The following NMD3 variants were observed in gnomAD, a reference collection of about 807,000 sequenced individuals.
NMD3 encodes 60S ribosomal export protein NMD3.
Under a neutral mutation model 73.1 loss-of-function variants are expected in NMD3, and 47 were observed. The observed-to-expected ratio is 0.64, with a 90% CI of 0.51 to 0.82. NMD3 has a LOEUF of 0.82. Among genes scored for constraint, NMD3 ranks in the 40% least tolerant of loss-of-function variants. The pLI is 0.00. For synonymous variants in NMD3, 210 were observed against 194.5 expected (o/e 1.08, Z -0.66); for missense variants, 554 against 612.5 (o/e 0.90, Z 1.01).
intron 5 of NMD3, among the ~76,000 whole-genome samples, chr3:161,233,746 A>G (rs1314401745): frequency 6.6e-6 from 1 of 151,578 alleles, no homozygotes; most frequent in African/African-American, 2.4e-5. Flanking sequence ...CTGATCCTCA[A>G]ACTTGGCTGA....
chr3:161,247,496 GAAAC>G (rs1332283381), intron 13 of NMD3, among the ~76,000 whole-genome samples, 166 bp downstream of exon 13: 13 of 143,730 alleles, frequency 9.0e-5, no homozygotes, highest in Non-Finnish European at 1.5e-4. Flanking sequence ...TTTTTTTAAA[GAAAC>G]AGGAGGCTGG....
At position 161,250,236 on chromosome 3, in the gene NMD3, A is replaced by AT. The variant is rs1737427698; in HGVS notation, c.1311-17dup. The AT allele has an allele frequency of 8.9e-6, 12 of 1,341,804 alleles. No homozygotes were observed. The East Asian group carries it at 2.8e-4, about 31-fold the overall frequency. 83.1% of individuals were successfully genotyped at this position (1,341,804 alleles called of 1,614,324 possible). On this transcript the variant is annotated intron_variant, in intron 14 of 15. Transcript: ENST00000351193. ...ATAACTATATTTTTGGTGATGAAAT[A>AT]TTTAAATGTTTATTTAAAGGCAATA...
Position 161,224,983 on chromosome 3 carries a change from T to C in NMD3, c.98T>C (p.Val33Ala). The C allele has an allele frequency of 6.2e-7, 1 of 1,614,090 alleles. No individual in the cohort carries two copies. The highest frequency in any genetic ancestry group is 1.1e-5 in the South Asian group (1 of 91,074). The change falls in exon 3 of 16, where the codon GTG (valine) becomes GCG (alanine). Residue 33 changes from valine to alanine, a missense_variant. Transcript: ENST00000351193. ...AGTCCAAATCCTGCCAATATTTGTG[T>C]GGCCTGTTTGCGAAGTAAAGTGGAC... Reference protein sequence around the residue: ...PISPNPANICVACLRSKVDIS... With the variant: ...PISPNPANICAACLRSKVDIS...
intron 13 of NMD3, 21 bp downstream of exon 13, chr3:161,247,351 C>CT: frequency 6.5e-7 from 1 of 1,531,134 alleles, no homozygotes; most frequent in Non-Finnish European, 9.0e-7. Context: ...AGATTTTTCC[C>CT]TTTTTTCCTG....
chr3:161,250,375 G>A, intron 15 of NMD3, 49 bp downstream of exon 15: 1 of 1,070,484 alleles, frequency 9.3e-7, no homozygotes. Flanking sequence ...TATAAGTATA[G>A]TTCCTAGTAT....
At chr3:161,252,755 ATT>A (rs755323261), downstream of NMD3, 24 of 646,730 alleles carry the variant, frequency 3.7e-5, no homozygotes, top group Middle Eastern at 8.2e-4. Flanking sequence ...CATTATGACC[ATT>A]TTTTTTTGTA....
rs183979597 is a variant in NMD3, at chr3:161,230,901, G to A, written c.277-2498G>A. On this transcript the variant is annotated intron_variant, in intron 4 of 15. Transcript: ENST00000351193. Reference sequence around the variant, plus strand: ...TTAGATAGATGTTTGAGGAGAGAGCGGAAGATATGAAATAGTCCTCTAGAA... The same window carrying A: ...TTAGATAGATGTTTGAGGAGAGAGCAGAAGATATGAAATAGTCCTCTAGAA... Among the ~76,000 whole-genome samples, 141 of 152,206 alleles carry A rather than the reference G, an allele frequency of 9.3e-4. 1 individual carries two copies. Among genetic ancestry groups the A allele is most frequent in the African/African-American group, 2.8e-3 (117 of 41,528 alleles).
intron 10 of NMD3, 97 bp from the exon 11 acceptor site, chr3:161,242,411 T>G (rs1737021763): frequency 8.8e-7 from 1 of 1,139,146 alleles, no homozygotes; most frequent in African/African-American, 1.6e-5. Context: ...ACCTGCCACT[T>G]CCCAGTTGGT....
At chr3:161,235,424 G>T (rs1383856297) in intron 7 of NMD3, 2 of 327,872 alleles carry the variant, frequency 6.1e-6, no homozygotes, top group African/African-American at 2.1e-5. Flanking sequence ...TTGAAATGTG[G>T]CTAGAGCAAC....
rs778227629 is a variant in NMD3, at chr3:161,234,854, A to G, written c.485A>G (p.Lys162Arg). ...FWKAVIQVRQ[K>R]TLHKKTFYYL... ...AAGGCTGTGATTCAAGTGAGGCAAAAGGTAATGAGAGAAGATGATGAGTGA... is the reference window on the plus strand; with the variant it reads ...AAGGCTGTGATTCAAGTGAGGCAAAGGGTAATGAGAGAAGATGATGAGTGA... The change falls in exon 6 of 16, where the codon AAG (lysine) becomes AGG (arginine). Residue 162 changes from lysine (K) to arginine (R), a missense_variant and splice_region_variant. By Grantham distance (26) the Lys-to-Arg change is conservative. Transcript: ENST00000351193. 6.2e-7 allele frequency: 1 copy of G among 1,613,008 alleles called. No homozygotes were observed. Among genetic ancestry groups the G allele is most frequent in the South Asian group, 1.1e-5 (1 of 91,032 alleles).
At position 161,246,441 on chromosome 3, in the gene NMD3, G is replaced by C. The variant is rs1264830763; in HGVS notation, c.1123G>C (p.Val375Leu). Residue 375 changes from valine (V) to leucine (L), a missense_variant, in exon 12 of 16, where the codon GTG becomes CTG. Coordinates refer to ENST00000351193, the MANE Select transcript of NMD3 (RefSeq NM_015938.5). ...ACATCTTCTAAATCCCGGAGACCTGGTGTTAGGGTTTGTATTATTTCATAT... is the reference window on the plus strand; with the variant it reads ...ACATCTTCTAAATCCCGGAGACCTGCTGTTAGGGTTTGTATTATTTCATAT... ...LGHLLNPGDL[V>L]LGFDLANCNL... 1 of 1,427,042 alleles carries C rather than the reference G, an allele frequency of 7.0e-7. No individual in the cohort carries two copies. The highest frequency in any genetic ancestry group is 2.3e-5 in the East Asian group (1 of 43,188). The allele number at this position is 1,427,042 out of a possible 1,614,324, so 88.4% of individuals were successfully genotyped here.
chr3:161,245,142 T>TTG (rs35840926), intron 11 of NMD3, among the ~76,000 whole-genome samples: 46,620 of 149,232 alleles, frequency 0.31, 7,363 homozygotes, highest in East Asian at 0.53. Context: ...CAGGGTACCC[T>TTG]TGTGTGTGTG....
intron 13 of NMD3, among the ~76,000 whole-genome samples, chr3:161,248,094 A>C (rs1400192212): frequency 6.6e-6 from 1 of 152,042 alleles, no homozygotes; most frequent in African/African-American, 2.4e-5. Context: ...CTTCATTTTA[A>C]ATAATTTTTC....
rs748440379 is a variant in NMD3 at position 161,233,483 on chromosome 3, A to G, written c.357+4A>G. 3.8e-6 allele frequency: 6 copies of G among 1,574,818 alleles called. No homozygotes were observed. In the Admixed American group the frequency reaches 6.8e-5, roughly 18 times the overall value. ...TAAACTGACTATTCAGAAAGAGGTAAGCAGTACATAATTTTCTCAGCATGG... is the reference window on the plus strand; with the variant it reads ...TAAACTGACTATTCAGAAAGAGGTAGGCAGTACATAATTTTCTCAGCATGG... On this transcript the variant is annotated splice_donor_region_variant and intron_variant, in intron 5 of 15. Coordinates refer to ENST00000351193, the MANE Select transcript of NMD3 (RefSeq NM_015938.5).
At chr3:161,242,731 T>C (rs1000977981) in intron 11 of NMD3, 78 bp downstream of exon 11, 2 of 1,412,640 alleles carry the variant, frequency 1.4e-6, no homozygotes, top group African/African-American at 1.4e-5. Context: ...TTAAAAAAAA[T>C]TTGTTGGTGT....
At chr3:161,240,179 C>T (rs1290206195) in intron 9 of NMD3, among the ~76,000 whole-genome samples, 1 of 152,160 alleles carries the variant, frequency 6.6e-6, no homozygotes, top group Non-Finnish European at 1.5e-5. Context: ...AATAGATACA[C>T]CTTAAAATAT....
In NMD3 at chr3:161,242,512, A is replaced by G; in HGVS notation, c.876A>G (p.Ala292=). Residue 292 remains alanine, a synonymous_variant, in exon 11 of 16, where the codon GCA becomes GCG. Coordinates refer to ENST00000351193, the MANE Select transcript of NMD3 (RefSeq NM_015938.5). ...GTGTTCTATCCTTATTTTTAGTGGC[A>G]GATATTGATGGGAGCACTTTCTGGA... is the stretch of plus-strand genomic sequence containing the variant. ...HLIDPNTLQV[A]DIDGSTFWSH... 1.9e-6 allele frequency: 3 copies of G among 1,611,700 alleles called. No homozygotes were observed. Among genetic ancestry groups the G allele is most frequent in the Non-Finnish European group, 2.5e-6 (3 of 1,178,590 alleles).
chr3:161,252,177 T>C lies in NMD3; in HGVS notation c.*1267T>C, dbSNP rs565487786. On this transcript the variant is annotated 3_prime_UTR_variant, in exon 16 of 16. Coordinates refer to ENST00000351193, the MANE Select transcript of NMD3 (RefSeq NM_015938.5). ...TGGTGGTGGCCTGGTAGGAATGGCT[T>C]GTCCTAGTTCTTCAAAGGTAAGATT... 14 of 152,298 alleles carry C rather than the reference T, an allele frequency of 9.2e-5. 1 individual carries two copies. The East Asian group carries it at 2.7e-3, about 29-fold the overall frequency. 9.4% of individuals were successfully genotyped at this position (152,298 alleles called of 1,614,324 possible).
chr3:161,252,331 C>T (rs1737522661), downstream of NMD3: 1 of 152,232 alleles, frequency 6.6e-6, no homozygotes, highest in South Asian at 2.1e-4. Flanking sequence ...GTCATATTTA[C>T]ATGAGAAAGT....
Sources: gnomAD v4.1 joint callset for allele counts (sites outside exome capture counted in the v4.1 genomes callset) on GRCh38, gnomAD v4.1.1 for gene constraint, MANE v1.5 for transcripts, NCBI Gene and HGNC (gene_info 2026-07-23, HGNC 2026-07-21) for gene names.